Variants in ITIH2 observed in about 807,000 individuals in gnomAD.
ITIH2 encodes inter-alpha-trypsin inhibitor heavy chain H2.
Under a neutral mutation model 104.4 loss-of-function variants are expected in ITIH2, and 103 were observed. The observed-to-expected ratio is 0.99, with a 90% confidence interval of 0.84 to 1.16. ITIH2 has a LOEUF of 1.16. Ranked by LOEUF, ITIH2 falls within the 50% of genes most tolerant of loss-of-function variation. The pLI is 0.00. For missense variants in ITIH2, 1,108 were observed against 1,162.4 expected, an observed-to-expected ratio of 0.95 and a Z score of 0.68; for synonymous variants, 436 against 435.4, an observed-to-expected ratio of 1.00 and a Z score of -0.02.
chr10:7,740,432 G>C (rs1467834522), intron 16 of ITIH2, among the ~76,000 whole-genome samples: 1 of 152,206 alleles, frequency 6.6e-6, no homozygotes, highest in Non-Finnish European at 1.5e-5. Context: ...GAATCCGTGC[G>C]TAAGTTGATC....
chr10:7,706,297 G>A lies in ITIH2; in HGVS notation c.160-904G>A, dbSNP rs77705162. Among the ~76,000 whole-genome samples, 992 of 152,218 alleles carry A rather than the reference G, an allele frequency of 6.5e-3. 6 individuals carry two copies. The highest frequency in any genetic ancestry group is 0.044 in the Middle Eastern group (13 of 294). On this transcript the variant is annotated intron_variant, in intron 2 of 20. Transcript: ENST00000358415. ...AGAACCTCAGTTCACCCCGAATCAGGCAAGCTGAGCTTATATCCAACACCC... is the reference window on the plus strand; with the variant it reads ...AGAACCTCAGTTCACCCCGAATCAGACAAGCTGAGCTTATATCCAACACCC...
At chr10:7,706,030 G>A (rs1394461930) in intron 2 of ITIH2, among the ~76,000 whole-genome samples, 1 of 152,172 alleles carries the variant, frequency 6.6e-6, no homozygotes, top group Admixed American at 6.5e-5. Flanking sequence ...TGCTGAGAGA[G>A]GAGGTATTTA....
chr10:7,730,066 T>C lies in ITIH2; in HGVS notation c.1394T>C (p.Leu465Pro). 2 of 1,613,378 alleles carry C rather than the reference T, an allele frequency of 1.2e-6. No individual in the cohort carries two copies. Among genetic ancestry groups the C allele is most frequent in the East Asian group, 2.2e-5 (1 of 44,868 alleles). ...GTGGACTATGATTTTTTGAAGAGAC[T>C]GTCCAATGAAAACCATGGAATTGCA... Reference protein sequence around the residue: ...FDVDYDFLKRLSNENHGIAQR... With the variant: ...FDVDYDFLKRPSNENHGIAQR... Residue 465 changes from leucine to proline, a missense_variant, in exon 12 of 21, where the codon CTG becomes CCG. Transcript: ENST00000358415.
chr10:7,745,131 G>C (rs1405884942), intron 19 of ITIH2, among the ~76,000 whole-genome samples, 168 bp downstream of exon 19: 1 of 152,136 alleles, frequency 6.6e-6, no homozygotes, highest in African/African-American at 2.4e-5. Context: ...AGGACCTTTT[G>C]CCATTCCAGA....
Position 7,733,960 on chromosome 10 carries a change from G to T in ITIH2, c.1788-962G>T, listed in dbSNP as rs775789434. ...CTCCCTCTCTGACAGAAGCACACTAGATGTATTTACAGGTATATAGCAAAT... is the reference window on the plus strand; with the variant it reads ...CTCCCTCTCTGACAGAAGCACACTATATGTATTTACAGGTATATAGCAAAT... On this transcript the variant is annotated intron_variant, in intron 14 of 20. Transcript: ENST00000358415. Among the ~76,000 whole-genome samples, 17 of 151,692 alleles carry T rather than the reference G, an allele frequency of 1.1e-4. No homozygotes were observed. In the Admixed American group the frequency reaches 1.1e-3, roughly 10 times the overall value.
chr10:7,747,620 C>T (rs974797785), intron 20 of ITIH2, among the ~76,000 whole-genome samples: 7 of 152,166 alleles, frequency 4.6e-5, no homozygotes, highest in African/African-American at 1.7e-4. Context: ...GGCATGGTGG[C>T]TCATGCCTGT....
intron 1 of ITIH2, among the ~76,000 whole-genome samples, chr10:7,704,212 T>A (rs560423984): frequency 2.8e-4 from 43 of 152,320 alleles, no homozygotes; most frequent in African/African-American, 1.0e-3. Flanking sequence ...TATGGGAACA[T>A]CCCAGCAAAT....
intron 5 of ITIH2, among the ~76,000 whole-genome samples, chr10:7,715,006 C>G (rs1055808876): frequency 3.3e-5 from 5 of 152,174 alleles, no homozygotes; most frequent in African/African-American, 7.2e-5. Context: ...GAACCAAACC[C>G]CAGAGGATAC....
At chr10:7,716,326 G>A (rs547912976) in intron 5 of ITIH2, among the ~76,000 whole-genome samples, 48 of 152,210 alleles carry the variant, frequency 3.2e-4, no homozygotes, top group Non-Finnish European at 6.0e-4. Context: ...TTATCCTAAC[G>A]CTGGAATCAC....
chr10:7,732,354 T>C lies in ITIH2; in HGVS notation c.1664T>C (p.Val555Ala), dbSNP rs41290291. The C allele has an allele frequency of 4.3e-3, 6,882 of 1,613,998 alleles. 17 individuals are homozygous for C. The highest frequency in any genetic ancestry group is 5.3e-3 in the Non-Finnish European group (6,225 of 1,179,884). Residue 555 changes from valine to alanine, a missense_variant, in exon 14 of 21, where the codon GTC becomes GCC. Val to Ala is a moderately conservative substitution (Grantham distance 64). Coordinates refer to ENST00000358415, the MANE Select transcript of ITIH2 (RefSeq NM_002216.3). Reference sequence around the variant, plus strand: ...ATCATCTAGGCTAACACGCAGTTAGTCTTGGAGACCCTGGCCCAGATGGAC... The same window carrying C: ...ATCATCTAGGCTAACACGCAGTTAGCCTTGGAGACCCTGGCCCAGATGGAC... ...ITATSANTQL[V>A]LETLAQMDDL...
intron 7 of ITIH2, 151 bp from the exon 8 acceptor site, chr10:7,721,498 T>C (rs1834902164): frequency 3.1e-6 from 2 of 649,454 alleles, no homozygotes; most frequent in Non-Finnish European, 2.6e-6. Context: ...AGCCCTGGCA[T>C]GTCCTTCCCA....
chr10:7,735,699 G>A (rs1326585935), intron 15 of ITIH2, among the ~76,000 whole-genome samples: 2 of 133,996 alleles, frequency 1.5e-5, no homozygotes, highest in African/African-American at 5.8e-5. Flanking sequence ...TTGAGACAGA[G>A]TCTTGCTCTG....
chr10:7,717,499 G>C (rs914094212), intron 5 of ITIH2, 127 bp from the exon 6 acceptor site: 6 of 784,276 alleles, frequency 7.7e-6, no homozygotes, highest in Middle Eastern at 3.4e-4. Flanking sequence ...TGTACCTACT[G>C]TTCACTTTCA....
intron 18 of ITIH2, 42 bp downstream of exon 18, chr10:7,744,322 A>C: frequency 6.9e-7 from 1 of 1,441,246 alleles, no homozygotes. Context: ...TCCGTGACAC[A>C]CGACTGCATA....
chr10:7,737,731 ATAT>A (rs1298083520), intron 15 of ITIH2, among the ~76,000 whole-genome samples: 700 of 36,270 alleles, frequency 0.019, 252 homozygotes, highest in Non-Finnish European at 0.023. Flanking sequence ...ATAATATTCT[ATAT>A]TATATTCTAT....
At chr10:7,714,767 G>A (rs1055351919) in intron 5 of ITIH2, among the ~76,000 whole-genome samples, 7 of 152,082 alleles carry the variant, frequency 4.6e-5, no homozygotes, top group African/African-American at 1.4e-4. Context: ...TGGGAGTTCC[G>A]AGTGCCGAGT....
chr10:7,710,099 G>A (rs886727318), intron 4 of ITIH2, among the ~76,000 whole-genome samples: 2 of 152,124 alleles, frequency 1.3e-5, no homozygotes, highest in Non-Finnish European at 2.9e-5. Context: ...TGATCTGCCC[G>A]CCTCGGCCTC....
At chr10:7,706,490 G>A (rs12259451) in intron 2 of ITIH2, among the ~76,000 whole-genome samples, 9,191 of 152,196 alleles carry the variant, frequency 0.06, 820 homozygotes, top group African/African-American at 0.2. Flanking sequence ...GAATTTTCTA[G>A]GTGCCAGTCA....
At chr10:7,745,863 T>C (rs1460833424) in intron 19 of ITIH2, among the ~76,000 whole-genome samples, 2 of 151,428 alleles carry the variant, frequency 1.3e-5, no homozygotes, top group African/African-American at 4.8e-5. Flanking sequence ...CATGCGATTC[T>C]CTTCCCTCAG....
Sources: gnomAD v4.1 joint callset for allele counts (sites outside exome capture counted in the v4.1 genomes callset) on GRCh38, gnomAD v4.1.1 for gene constraint, MANE v1.5 for transcripts, NCBI Gene and HGNC (gene_info 2026-07-23, HGNC 2026-07-21) for gene names.